Variants in CDH13 observed in about 807,000 individuals in gnomAD.
The protein encoded by CDH13 is cadherin-13.
Under a neutral mutation model 63.8 loss-of-function variants are expected in CDH13, and 24 were observed. That is an observed-to-expected ratio of 0.38 (90% confidence interval 0.27 to 0.53). CDH13 has a LOEUF of 0.53. Among genes scored for constraint, CDH13 ranks in the 20% least tolerant of loss-of-function variants. The pLI is 0.85. For missense variants in CDH13, 1,049 were observed against 903.1 expected, an observed-to-expected ratio of 1.16 and a Z score of -2.07; for synonymous variants, 503 against 355.3, an observed-to-expected ratio of 1.42 and a Z score of -4.67.
intron 7 of CDH13, among the ~76,000 whole-genome samples, chr16:83,519,441 C>T (rs763686862): frequency 1.3e-5 from 2 of 152,192 alleles, no homozygotes; most frequent in Non-Finnish European, 2.9e-5. Context: ...GAAACAAATA[C>T]TTCAATGAAA....
chr16:83,379,619 A>G (rs989709332), intron 6 of CDH13, among the ~76,000 whole-genome samples: 2 of 152,100 alleles, frequency 1.3e-5, no homozygotes, highest in Non-Finnish European at 2.9e-5. Context: ...TCATGATACT[A>G]TATATTTGCC....
At chr16:83,604,822 G>C (rs1486578090) in intron 8 of CDH13, among the ~76,000 whole-genome samples, 2 of 152,198 alleles carry the variant, frequency 1.3e-5, no homozygotes, top group African/African-American at 4.8e-5. Flanking sequence ...CCAGCTGTGT[G>C]AGATTAATTA....
At chr16:83,194,287 T>C (rs2038809915) in intron 4 of CDH13, among the ~76,000 whole-genome samples, 1 of 152,174 alleles carries the variant, frequency 6.6e-6, no homozygotes. Context: ...ACCTCAGCTT[T>C]TAGGACTCAC....
chr16:83,298,047 C>T (rs200552222), intron 5 of CDH13, among the ~76,000 whole-genome samples: 84 of 99,786 alleles, frequency 8.4e-4, no homozygotes, highest in Non-Finnish European at 1.3e-3. Flanking sequence ...CTTGTTTCTA[C>T]AAAAAAAAAA....
chr16:83,028,472 C>A (rs1474882232), intron 2 of CDH13, among the ~76,000 whole-genome samples: 3 of 152,166 alleles, frequency 2.0e-5, no homozygotes, highest in Admixed American at 6.5e-5. Context: ...CTCTTCAGGA[C>A]TGGGCAGGAA....
intron 6 of CDH13, among the ~76,000 whole-genome samples, chr16:83,478,563 A>G (rs1460182992): frequency 1.3e-5 from 2 of 152,182 alleles, no homozygotes; most frequent in Non-Finnish European, 2.9e-5. Flanking sequence ...CTGGTGAATA[A>G]CAACCCCTGG....
intron 3 of CDH13, among the ~76,000 whole-genome samples, chr16:83,041,969 C>G (rs1031370213): frequency 1.3e-5 from 2 of 152,142 alleles, no homozygotes; most frequent in African/African-American, 4.8e-5. Context: ...CATTTTTCCC[C>G]TCTTTCCTGA....
chr16:82,799,019 C>A (rs1348102314), intron 1 of CDH13, among the ~76,000 whole-genome samples: 1 of 152,086 alleles, frequency 6.6e-6, no homozygotes, highest in African/African-American at 2.4e-5. Context: ...CACCAGAGTC[C>A]TTGTTTAATC....
intron 1 of CDH13, among the ~76,000 whole-genome samples, chr16:82,687,525 G>A (rs886388555): frequency 6.6e-6 from 1 of 152,192 alleles, no homozygotes; most frequent in Non-Finnish European, 1.5e-5. Context: ...ATCTTGCATG[G>A]TGACAGGCAA....
chr16:83,774,227 C>T (rs1350446613), intron 11 of CDH13, among the ~76,000 whole-genome samples: 1 of 152,208 alleles, frequency 6.6e-6, no homozygotes, highest in African/African-American at 2.4e-5. Context: ...ACAGGGACAA[C>T]TATGACTATG....
chr16:82,933,333 C>T (rs2042558576), intron 2 of CDH13, among the ~76,000 whole-genome samples: 1 of 152,128 alleles, frequency 6.6e-6, no homozygotes, highest in Non-Finnish European at 1.5e-5. Flanking sequence ...CCCTATAAAA[C>T]TATCAGATTT....
intron 4 of CDH13, among the ~76,000 whole-genome samples, chr16:83,186,639 G>T (rs1473907875): frequency 1.3e-5 from 2 of 152,186 alleles, no homozygotes; most frequent in African/African-American, 4.8e-5. Flanking sequence ...ACTGTAGTAT[G>T]TCGTCAGGGT....
At chr16:83,510,773 CAT>C (rs2074538644) in intron 7 of CDH13, among the ~76,000 whole-genome samples, 1 of 152,190 alleles carries the variant, frequency 6.6e-6, no homozygotes, top group South Asian at 2.1e-4. Flanking sequence ...CACCTGTGCA[CAT>C]GATTAGTTTG....
At chr16:83,132,453 C>CCT (rs1491296907) in intron 4 of CDH13, among the ~76,000 whole-genome samples, 6 of 92,924 alleles carry the variant, frequency 6.5e-5, no homozygotes, top group Non-Finnish European at 1.0e-4. Flanking sequence ...ACACCCCCCC[C>CCT]TTTTTTTTTT....
intron 5 of CDH13, among the ~76,000 whole-genome samples, chr16:83,320,064 G>C (rs2090187992): frequency 6.6e-6 from 1 of 152,140 alleles, no homozygotes; most frequent in South Asian, 2.1e-4. Context: ...TTATGAGACA[G>C]GGTCTCATTC....
At chr16:83,763,463 A>T (rs960276173) in intron 11 of CDH13, among the ~76,000 whole-genome samples, 1 of 152,082 alleles carries the variant, frequency 6.6e-6, no homozygotes, top group Non-Finnish European at 1.5e-5. Flanking sequence ...TGAACTACTG[A>T]ATTTATAGCC....
chr16:82,849,802 T>C (rs2039407413), intron 1 of CDH13, among the ~76,000 whole-genome samples: 1 of 152,196 alleles, frequency 6.6e-6, no homozygotes, highest in Non-Finnish European at 1.5e-5. Context: ...CCCTTAAGAA[T>C]TGTGCTGAAT....
At chr16:83,080,876 T>TTTTTTTG (rs1555579054) in intron 3 of CDH13, among the ~76,000 whole-genome samples, 6,133 of 94,478 alleles carry the variant, frequency 0.065, 535 homozygotes, top group Non-Finnish European at 0.089. Flanking sequence ...TTTGTGTTTT[T>TTTTTTTG]TTTTTTTTTT....
At chr16:83,418,883 G>C (rs1425954077) in intron 6 of CDH13, among the ~76,000 whole-genome samples, 4 of 152,106 alleles carry the variant, frequency 2.6e-5, no homozygotes, top group Non-Finnish European at 5.9e-5. Context: ...GGGAGTTGCA[G>C]GCCCATTTGG....
Sources: allele counts gnomAD v4.1 joint callset (sites outside exome capture counted in the v4.1 genomes callset), GRCh38; gene constraint gnomAD v4.1.1; transcripts MANE v1.5; gene names NCBI Gene and HGNC (gene_info 2026-07-23, HGNC 2026-07-21).